NUDT19: variants seen among roughly 807,000 people sequenced by gnomAD.
The protein encoded by NUDT19 is acyl-coenzyme A diphosphatase NUDT19.
Under a neutral mutation model 22.2 loss-of-function variants are expected in NUDT19, and 31 were observed. That is an observed-to-expected ratio of 1.40 (90% confidence interval 1.05 to 1.89). The LOEUF is 1.89. NUDT19 is among the 40% of genes most tolerant of loss of function. The probability of loss-of-function intolerance (pLI) is 0.00; values close to 1 mark genes in which losing one functional copy is unlikely to be tolerated. For synonymous variants in NUDT19, 325 were observed against 230.8 expected, an observed-to-expected ratio of 1.41 and a Z score of -3.70; for missense variants, 752 against 514.2, an observed-to-expected ratio of 1.46 and a Z score of -4.47.
chr19:32,691,942 A>G lies in NUDT19; in HGVS notation c.-19A>G, dbSNP rs1430316504. On this transcript the variant is annotated 5_prime_UTR_variant, in exon 1 of 3. Coordinates refer to ENST00000397061, the MANE Select transcript of NUDT19 (RefSeq NM_001105570.2). ...GGAGCTCAGGCCGCGCCAGAATCGG[A>G]TCCGGGAAGCTGCGCGCCATGAGCA... 3 of 1,212,772 alleles carry G rather than the reference A, an allele frequency of 2.5e-6. No homozygotes were observed. The highest frequency in any genetic ancestry group is 8.6e-5 in the Admixed American group (2 of 23,162). 75.1% of individuals were successfully genotyped at this position (1,212,772 alleles called of 1,614,324 possible).
intron 1 of NUDT19, among the ~76,000 whole-genome samples, chr19:32,702,594 C>T (rs111882645): frequency 2.0e-5 from 3 of 151,872 alleles, no homozygotes; most frequent in Non-Finnish European, 2.9e-5. Context: ...GGTGACAGAG[C>T]GAGACTCCAT....
At chr19:32,696,327 A>G (rs954011041) in intron 1 of NUDT19, among the ~76,000 whole-genome samples, 2 of 152,156 alleles carry the variant, frequency 1.3e-5, no homozygotes, top group African/African-American at 4.8e-5. Flanking sequence ...TGACACTAAG[A>G]CAGCCACTGC....
In NUDT19 at chr19:32,691,847, A is replaced by T; in HGVS notation, c.-114A>T. ...AACGCCCAGGTTCACCCAACGCCAG[A>T]GGCTCGTCCTCAATTCCCGCGAGGC... On this transcript the variant is annotated 5_prime_UTR_variant, in exon 1 of 3. Transcript: ENST00000397061. The T allele has an allele frequency of 1.9e-6, 1 of 526,250 alleles. No homozygotes were observed. The highest frequency in any genetic ancestry group is 2.8e-6 in the Non-Finnish European group (1 of 358,200). The allele number at this position is 526,250 out of a possible 1,614,324, so 32.6% of individuals were successfully genotyped here. A position where few individuals can be genotyped will look rare whatever the true frequency, so the allele number is the denominator to read the frequency against.
chr19:32,694,120 G>A (rs1489646113), intron 1 of NUDT19, among the ~76,000 whole-genome samples: 1 of 152,162 alleles, frequency 6.6e-6, no homozygotes, highest in African/African-American at 2.4e-5. Flanking sequence ...TTGACAAGGA[G>A]GTTAAAAATA....
intron 1 of NUDT19, among the ~76,000 whole-genome samples, chr19:32,694,159 C>T (rs899713166): frequency 2.3e-4 from 35 of 152,206 alleles, no homozygotes; most frequent in African/African-American, 7.7e-4. Flanking sequence ...AATAGTAAAA[C>T]GGCTGTCACA....
rs1968470113 is a variant in NUDT19, at chr19:32,713,494, C to T, written c.*1537C>T. On this transcript the variant is annotated 3_prime_UTR_variant, in exon 3 of 3. Transcript: ENST00000397061. The stretch of plus-strand genomic sequence containing the variant: ...ATTTTAAAGAAACACAAAGCCATAA[C>T]AAAAACCATCATTGTTTGTATTCCA... 1 of 152,118 alleles carries T rather than the reference C, an allele frequency of 6.6e-6. No individual in the cohort carries two copies. The highest frequency in any genetic ancestry group is 2.4e-5 in the African/African-American group (1 of 41,420). The allele number at this position is 152,118 out of a possible 1,614,324, so 9.4% of individuals were successfully genotyped here. A position where few individuals can be genotyped will look rare whatever the true frequency, so the allele number is the denominator to read the frequency against.
chr19:32,695,557 C>T (rs1968253248), intron 1 of NUDT19, among the ~76,000 whole-genome samples: 1 of 152,120 alleles, frequency 6.6e-6, no homozygotes. Context: ...TCCTTTGTCT[C>T]TTCCTCTCTT....
chr19:32,701,901 C>A (rs1489004977), intron 1 of NUDT19, among the ~76,000 whole-genome samples: 1 of 152,044 alleles, frequency 6.6e-6, no homozygotes, highest in African/African-American at 2.4e-5. Context: ...CCTATAATCC[C>A]AACACTTTGG....
At chr19:32,700,284 T>G (rs1968320451) in intron 1 of NUDT19, among the ~76,000 whole-genome samples, 1 of 152,208 alleles carries the variant, frequency 6.6e-6, no homozygotes, top group African/African-American at 2.4e-5. Context: ...TGCTGATTGG[T>G]CCGTTTTTAC....
chr19:32,700,476 T>C (rs1418590703), intron 1 of NUDT19, among the ~76,000 whole-genome samples: 1 of 152,188 alleles, frequency 6.6e-6, no homozygotes, highest in Non-Finnish European at 1.5e-5. Context: ...AGAAAAGTTC[T>C]CCAAGTCCCC....
intron 1 of NUDT19, among the ~76,000 whole-genome samples, chr19:32,695,943 A>G (rs1207212978): frequency 1.3e-5 from 2 of 152,214 alleles, no homozygotes; most frequent in African/African-American, 4.8e-5. Context: ...ACTTTCAAGT[A>G]CGGTTACATC....
In NUDT19 at chr19:32,692,505, G is replaced by C; in HGVS notation, c.545G>C (p.Cys182Ser). 6.4e-7 allele frequency: 1 copy of C among 1,559,162 alleles called. No homozygotes were observed. The highest frequency in any genetic ancestry group is 1.2e-5 in the South Asian group (1 of 85,214). Reference protein sequence around the residue: ...RQDPRHFLRLCAHLDCTPDIW... With the variant: ...RQDPRHFLRLSAHLDCTPDIW... ...GACCCGCGCCACTTCCTGCGGCTGT[G>C]CGCCCACCTCGACTGCACACCCGAC... Residue 182 changes from cysteine (C) to serine (S), a missense_variant, in exon 1 of 3, where the codon TGC becomes TCC. Transcript: ENST00000397061.
chr19:32,692,038 C>A lies in NUDT19; in HGVS notation c.78C>A (p.Arg26=), dbSNP rs1160044836. 2 of 1,274,840 alleles carry A rather than the reference C, an allele frequency of 1.6e-6. No individual in the cohort carries two copies. Among genetic ancestry groups the A allele is most frequent in the Non-Finnish European group, 9.8e-7 (1 of 1,016,524 alleles). 79.0% of individuals were successfully genotyped at this position (1,274,840 alleles called of 1,614,324 possible). ...TCGTCCTGGCGGCTGGCTGGTCGCG[C>A]CCGGAGACCGCCACCCCGCCGTCGC... The part of the protein sequence containing the change: ...ASIVLAAGWS[R]PETATPPSRP... The change falls in exon 1 of 3, where the codon CGC becomes CGA. Residue 26 remains arginine (R), a synonymous_variant. Transcript: ENST00000397061.
intron 1 of NUDT19, among the ~76,000 whole-genome samples, chr19:32,693,825 A>T (rs1377502166): frequency 6.6e-6 from 1 of 152,184 alleles, no homozygotes; most frequent in African/African-American, 2.4e-5. Flanking sequence ...TCCCCACTGG[A>T]CCCAGGAAGT....
At chr19:32,692,900 C>T (rs1055924995) in intron 1 of NUDT19, among the ~76,000 whole-genome samples, 5 of 152,284 alleles carry the variant, frequency 3.3e-5, no homozygotes, top group Non-Finnish European at 7.3e-5. Context: ...GGCCTGGAGC[C>T]TGTCTCTCCA....
chr19:32,711,402 G>A (rs1349448936), intron 2 of NUDT19, among the ~76,000 whole-genome samples: 1 of 152,108 alleles, frequency 6.6e-6, no homozygotes, highest in East Asian at 1.9e-4. Context: ...GGTGGAGGTT[G>A]CAATGAGCCG....
intron 1 of NUDT19, among the ~76,000 whole-genome samples, chr19:32,706,450 G>A (rs545316824): frequency 2.6e-5 from 4 of 152,284 alleles, no homozygotes; most frequent in Non-Finnish European, 4.4e-5. Context: ...CTTGGGGGCC[G>A]AGGCGGGCAG....
intron 1 of NUDT19, among the ~76,000 whole-genome samples, chr19:32,698,819 T>C (rs1184193626): frequency 6.6e-6 from 1 of 152,196 alleles, no homozygotes; most frequent in African/African-American, 2.4e-5. Context: ...TAGTGGCCCT[T>C]ACTGATGCAT....
intron 1 of NUDT19, among the ~76,000 whole-genome samples, chr19:32,702,966 ACT>A (rs1438148881): frequency 6.6e-6 from 1 of 151,520 alleles, no homozygotes; most frequent in Non-Finnish European, 1.5e-5. Context: ...TTTATTATAA[ACT>A]CTACAATACA....
Sources: gnomAD v4.1 joint callset for allele counts (sites outside exome capture counted in the v4.1 genomes callset) on GRCh38, gnomAD v4.1.1 for gene constraint, MANE v1.5 for transcripts, NCBI Gene and HGNC (gene_info 2026-07-23, HGNC 2026-07-21) for gene names.